USP2: variants seen among roughly 807,000 people sequenced by gnomAD.
USP2 encodes ubiquitin specific peptidase 2.
USP2 carries 33 observed loss-of-function variants against 72.0 expected under a neutral mutation model. The ratio of observed to expected loss-of-function variants is 0.46; its 90% CI spans 0.35 to 0.61. USP2 has a LOEUF of 0.61. Ranked by LOEUF, USP2 falls within the 20% of genes least tolerant of loss-of-function variation. The probability of loss-of-function intolerance (pLI) is 0.01; values close to 1 mark genes in which losing one functional copy is unlikely to be tolerated. For synonymous variants in USP2, 296 were observed against 312.5 expected (o/e 0.95, Z 0.56); for missense variants, 691 against 797.8 (o/e 0.87, Z 1.61).
intron 8 of USP2, 30 bp from the exon 9 acceptor site, chr11:119,358,091 G>C (rs1303999686): frequency 6.2e-7 from 1 of 1,614,170 alleles, no homozygotes; most frequent in Admixed American, 1.7e-5. Context: ...AAAGGTCAGA[G>C]GTCAACATGA....
Position 119,373,538 on chromosome 11 carries a change from GT to G in USP2, c.-41-18del, listed in dbSNP as rs1011451932. The G allele has an allele frequency of 1.2e-5, 18 of 1,501,272 alleles. No individual in the cohort carries two copies. In the African/African-American group the frequency reaches 2.1e-4, roughly 17 times the overall value. 93.0% of individuals were successfully genotyped at this position (1,501,272 alleles called of 1,614,324 possible). On this transcript the variant is annotated intron_variant, in intron 1 of 12. Coordinates refer to ENST00000260187, the MANE Select transcript of USP2 (RefSeq NM_004205.5). ...CCTCATGGGCTGAAAGACAAGGAGTGTAGTTGTCAGAGGGCCCTGCCAGGTG... is the reference window on the plus strand; with the variant it reads ...CCTCATGGGCTGAAAGACAAGGAGTGAGTTGTCAGAGGGCCCTGCCAGGTG...
intron 2 of USP2, among the ~76,000 whole-genome samples, chr11:119,372,449 G>T (rs1267937386): frequency 6.6e-6 from 1 of 152,266 alleles, no homozygotes; most frequent in African/African-American, 2.4e-5. Flanking sequence ...GGGCGCAGCA[G>T]AGCATTCCTG....
intron 2 of USP2, 135 bp from the exon 3 acceptor site, chr11:119,360,369 C>T: frequency 2.3e-6 from 2 of 866,320 alleles, no homozygotes; most frequent in Non-Finnish European, 3.8e-6. Context: ...CAACTTTACC[C>T]ATCTATGTAC....
At position 119,381,511 on chromosome 11, in the gene USP2, C is replaced by G. The variant is rs1385353675; in HGVS notation, c.-80G>C. On this transcript the variant is annotated 5_prime_UTR_variant, in exon 1 of 13. Coordinates refer to ENST00000260187, the MANE Select transcript of USP2 (RefSeq NM_004205.5). ...GAGTATGGACGAGTCGAACCGGGCA[C>G]AAGCATGGAGCTGCGGGTGAGTCCC... 6.5e-7 allele frequency: 1 copy of G among 1,536,152 alleles called. No homozygotes were observed. Among genetic ancestry groups the G allele is most frequent in the Non-Finnish European group, 8.7e-7 (1 of 1,146,906 alleles).
Position 119,359,694 on chromosome 11 carries a change from C to T in USP2, c.826-34G>A, listed in dbSNP as rs200223935. 2.9e-5 allele frequency: 47 copies of T among 1,607,872 alleles called. No homozygotes were observed. In the East Asian group the frequency reaches 3.8e-4, roughly 13 times the overall value. On this transcript the variant is annotated intron_variant, in intron 3 of 12. Coordinates refer to ENST00000260187, the MANE Select transcript of USP2 (RefSeq NM_004205.5). ...GATGACCAGGCAATCAGTGGGGAGA[C>T]GAGAGTCCCACCTTCACCTGTGTTA... is the stretch of plus-strand genomic sequence containing the variant.
At chr11:119,362,438 C>T (rs894481602) in intron 2 of USP2, among the ~76,000 whole-genome samples, 1 of 152,004 alleles carries the variant, frequency 6.6e-6, no homozygotes, top group Non-Finnish European at 1.5e-5. Context: ...GGGTTGATGC[C>T]TTTGTCTAAA....
chr11:119,368,314 T>C (rs1950881927), intron 2 of USP2, among the ~76,000 whole-genome samples: 2 of 152,210 alleles, frequency 1.3e-5, no homozygotes, highest in Admixed American at 1.3e-4. Flanking sequence ...GATCTCAGGC[T>C]GCCAAGCTAG....
chr11:119,360,812 T>C (rs1410617676), intron 2 of USP2, among the ~76,000 whole-genome samples: 3 of 152,182 alleles, frequency 2.0e-5, no homozygotes, highest in Non-Finnish European at 4.4e-5. Flanking sequence ...CTGCCCCCCA[T>C]CTTTATGTTA....
intron 1 of USP2, among the ~76,000 whole-genome samples, chr11:119,374,228 C>T (rs1029247264): frequency 2.0e-5 from 3 of 152,238 alleles, no homozygotes; most frequent in Non-Finnish European, 4.4e-5. Flanking sequence ...AGCTTCTGTT[C>T]TAAGTGGAGT....
At chr11:119,369,713 CTTTTATAG>C in intron 2 of USP2, among the ~76,000 whole-genome samples, 2 of 152,244 alleles carry the variant, frequency 1.3e-5, no homozygotes, top group South Asian at 4.1e-4. Context: ...TGATTGTTCC[CTTTTATAG>C]TCTAGGAAAT....
At chr11:119,380,359 C>T (rs1423941106) in intron 1 of USP2, among the ~76,000 whole-genome samples, 1 of 151,952 alleles carries the variant, frequency 6.6e-6, no homozygotes, top group Non-Finnish European at 1.5e-5. Flanking sequence ...CCCATCTGGG[C>T]TCCTTCCCCC....
intron 1 of USP2, among the ~76,000 whole-genome samples, chr11:119,377,103 A>G (rs184881265): frequency 3.7e-4 from 56 of 152,370 alleles, no homozygotes; most frequent in African/African-American, 1.3e-3. Context: ...AAAGCTTAAA[A>G]CTGCACTAAG....
intron 6 of USP2, 35 bp downstream of exon 6, chr11:119,358,989 G>A: frequency 6.2e-7 from 1 of 1,608,780 alleles, no homozygotes; most frequent in Non-Finnish European, 8.5e-7. Flanking sequence ...GTTCACAAAA[G>A]TTTTGCTTTC....
rs370087013 is a variant in USP2 at position 119,357,967 on chromosome 11, G to A, written c.1422+14C>T. On this transcript the variant is annotated intron_variant, in intron 9 of 12. Coordinates refer to ENST00000260187, the MANE Select transcript of USP2 (RefSeq NM_004205.5). ...ACGGAAATTTGTTCTTGCTATTACC[G>A]AAGGGTGACTTACTGGCTTTTCATC... The A allele has an allele frequency of 5.6e-6, 9 of 1,614,128 alleles. No homozygotes were observed. The highest frequency in any genetic ancestry group is 4.4e-5 in the South Asian group (4 of 91,080).
At chr11:119,371,944 G>C (rs1293371052) in intron 2 of USP2, among the ~76,000 whole-genome samples, 2 of 152,110 alleles carry the variant, frequency 1.3e-5, no homozygotes, top group Non-Finnish European at 2.9e-5. Context: ...CACCTAATGG[G>C]CACACTAATA....
At chr11:119,361,711 C>A (rs1386968018) in intron 2 of USP2, among the ~76,000 whole-genome samples, 1 of 152,096 alleles carries the variant, frequency 6.6e-6, no homozygotes, top group African/African-American at 2.4e-5. Flanking sequence ...TCTTGGCCAG[C>A]TGTCAGGGCT....
rs971346165 is a variant in USP2, at chr11:119,357,810, T to C, written c.1448A>G (p.Lys483Arg). Residue 483 changes from lysine to arginine, a missense_variant, in exon 10 of 13, where the codon AAA becomes AGA. By Grantham distance (26) the Lys-to-Arg change is conservative (BLOSUM62 2). Coordinates refer to ENST00000260187, the MANE Select transcript of USP2 (RefSeq NM_004205.5). ...GATGGAGAACTTCTTTATACACCGT[T>C]TTCTGCCTCGGCAGCGACAGCATGT... is the stretch of plus-strand genomic sequence containing the variant. ...KPTCCRCRGR[K>R]RCIKKFSIQR... is the part of the protein sequence containing the mutation. 6.2e-7 allele frequency: 1 copy of C among 1,613,954 alleles called. No individual in the cohort carries two copies. The highest frequency in any genetic ancestry group is 8.5e-7 in the Non-Finnish European group (1 of 1,180,004).
intron 2 of USP2, among the ~76,000 whole-genome samples, chr11:119,369,045 G>A (rs1324173171): frequency 1.3e-5 from 2 of 152,180 alleles, no homozygotes; most frequent in Non-Finnish European, 2.9e-5. Context: ...GGTTGGGACT[G>A]GGGCTCCTGG....
intron 1 of USP2, among the ~76,000 whole-genome samples, chr11:119,378,045 A>G (rs1204491305): frequency 1.3e-5 from 2 of 152,088 alleles, no homozygotes; most frequent in African/African-American, 4.8e-5. Flanking sequence ...GTGCCCGGAA[A>G]AGGTGAGTGG....
Sources: gnomAD v4.1 joint callset for allele counts (sites outside exome capture counted in the v4.1 genomes callset) on GRCh38, gnomAD v4.1.1 for gene constraint, MANE v1.5 for transcripts, NCBI Gene and HGNC (gene_info 2026-07-23, HGNC 2026-07-21) for gene names.